Variants in PLGRKT observed in about 807,000 individuals in gnomAD.
The protein encoded by PLGRKT is plasminogen receptor (KT).
PLGRKT carries 22 observed loss-of-function variants against 18.5 expected under a neutral mutation model. The observed-to-expected ratio is 1.19, with a 90% confidence interval of 0.85 to 1.70. The LOEUF is 1.70. Among genes scored for constraint, PLGRKT ranks in the 40% most tolerant of loss-of-function variants. The pLI is 0.00. For synonymous variants in PLGRKT, 72 were observed against 52.8 expected, an observed-to-expected ratio of 1.36 and a Z score of -1.58; for missense variants, 235 against 174.4, an observed-to-expected ratio of 1.35 and a Z score of -1.96.
chr9:5,387,166 T>C (rs1321132528), intron 3 of PLGRKT, among the ~76,000 whole-genome samples: 1 of 151,864 alleles, frequency 6.6e-6, no homozygotes, highest in East Asian at 1.9e-4. Context: ...TTTTAGAAAA[T>C]GGACCATATT....
chr9:5,436,959 C>T (rs922003687), intron 1 of PLGRKT, among the ~76,000 whole-genome samples: 2 of 152,070 alleles, frequency 1.3e-5, no homozygotes, highest in Non-Finnish European at 2.9e-5. Context: ...AATTCTAACA[C>T]TTTTCACCAG....
chr9:5,372,318 C>A, intron 3 of PLGRKT, among the ~76,000 whole-genome samples: 1 of 152,066 alleles, frequency 6.6e-6, no homozygotes, highest in Admixed American at 6.6e-5. Context: ...TAATGTGGCT[C>A]ACCATGTGCA....
intron 3 of PLGRKT, among the ~76,000 whole-genome samples, chr9:5,423,009 C>A (rs967302067): frequency 5.3e-5 from 8 of 152,076 alleles, no homozygotes; most frequent in Admixed American, 2.6e-4. Flanking sequence ...TTCTTTTTAT[C>A]ATCATGCATA....
chr9:5,432,049 T>A, intron 2 of PLGRKT, 66 bp from the exon 3 acceptor site: 1 of 738,082 alleles, frequency 1.4e-6, no homozygotes, highest in East Asian at 2.5e-5. Context: ...ATGCTCCACT[T>A]TGAGCTACCT....
intron 3 of PLGRKT, among the ~76,000 whole-genome samples, chr9:5,389,453 C>T (rs1817905950): frequency 6.6e-6 from 1 of 151,820 alleles, no homozygotes; most frequent in Admixed American, 6.6e-5. Context: ...GCCAGGTCAG[C>T]CCCCACCTGT....
intron 3 of PLGRKT, among the ~76,000 whole-genome samples, chr9:5,427,519 A>G (rs1818726417): frequency 6.6e-6 from 1 of 152,100 alleles, no homozygotes; most frequent in Non-Finnish European, 1.5e-5. Flanking sequence ...TGTTACAATT[A>G]CTCTATTTTT....
At chr9:5,434,327 TG>T (rs1818911531) in intron 2 of PLGRKT, among the ~76,000 whole-genome samples, 2 of 107,160 alleles carry the variant, frequency 1.9e-5, no homozygotes, top group African/African-American at 7.5e-5. Context: ...CGCCTCTGCC[TG>T]GCCACCCCGT....
chr9:5,428,651 C>T (rs550791926), intron 3 of PLGRKT, among the ~76,000 whole-genome samples: 5 of 152,278 alleles, frequency 3.3e-5, no homozygotes, highest in African/African-American at 1.2e-4. Flanking sequence ...ATTACGACCA[C>T]CCTTGAAGTA....
At chr9:5,369,406 G>C (rs1201570218) in intron 3 of PLGRKT, among the ~76,000 whole-genome samples, 1 of 152,202 alleles carries the variant, frequency 6.6e-6, no homozygotes, top group Non-Finnish European at 1.5e-5. Context: ...TCTCATGCCA[G>C]TTAGAACGGT....
rs1818517003 is a variant in PLGRKT at position 5,418,857 on chromosome 9, C to G, written c.81+13040G>C. ...GCACATCCTTCTGGCTGGTCCTCGT[C>G]TGCTGGAGGCAAACTGAACAGCAGG... On this transcript the variant is annotated intron_variant, in intron 3 of 5. Coordinates refer to ENST00000223864, the MANE Select transcript of PLGRKT (RefSeq NM_018465.4). This position sits in a 1 kb window ranked among gnomAD's most constrained non-coding sequence, Gnocchi z 4.2. 5 of 1,053,576 alleles carry G rather than the reference C, an allele frequency of 4.7e-6. No individual in the cohort carries two copies. In the African/African-American group the frequency reaches 6.3e-5, roughly 13 times the overall value. 65.3% of individuals were successfully genotyped at this position (1,053,576 alleles called of 1,614,324 possible). A position where few individuals can be genotyped will look rare whatever the true frequency, so the allele number is the denominator to read the frequency against.
At chr9:5,366,009 C>A (rs1490164790) in intron 3 of PLGRKT, among the ~76,000 whole-genome samples, 3 of 152,064 alleles carry the variant, frequency 2.0e-5, no homozygotes, top group Non-Finnish European at 4.4e-5. Flanking sequence ...TCTCCATGAG[C>A]AAAACATTCT....
At chr9:5,361,257 G>C (rs903443001) in intron 4 of PLGRKT, 70 bp from the exon 5 acceptor site, 1 of 788,658 alleles carries the variant, frequency 1.3e-6, no homozygotes, top group East Asian at 2.7e-5. Flanking sequence ...TATACTTAAA[G>C]AAAAAAAAAT....
At chr9:5,380,835 C>T (rs1032964901) in intron 3 of PLGRKT, among the ~76,000 whole-genome samples, 6 of 152,264 alleles carry the variant, frequency 3.9e-5, no homozygotes, top group African/African-American at 1.4e-4. Flanking sequence ...TGTGTCCCCA[C>T]CCAAATCTCA....
chr9:5,425,969 A>T (rs943557353), intron 3 of PLGRKT, among the ~76,000 whole-genome samples: 4 of 152,212 alleles, frequency 2.6e-5, no homozygotes, highest in Non-Finnish European at 5.9e-5. Flanking sequence ...CATTAAATTT[A>T]AAAATAGCCA....
At position 5,367,739 on chromosome 9, in the gene PLGRKT, T is replaced by A. The variant is rs909332606; in HGVS notation, c.82-5851A>T. The stretch of plus-strand genomic sequence containing the variant: ...GACAACAAAAACAAAAATTGACAAA[T>A]GTTACCTAATTAAACTAAAGAGCTT... On this transcript the variant is annotated intron_variant, in intron 3 of 5. Coordinates refer to ENST00000223864, the MANE Select transcript of PLGRKT (RefSeq NM_018465.4). Among the ~76,000 whole-genome samples, 4 of 152,244 alleles carry A rather than the reference T, an allele frequency of 2.6e-5. No individual in the cohort carries two copies. In the South Asian group the frequency reaches 6.2e-4, roughly 24 times the overall value.
chr9:5,434,441 C>G (rs1487204025), intron 2 of PLGRKT, among the ~76,000 whole-genome samples: 1 of 144,358 alleles, frequency 6.9e-6, no homozygotes, highest in African/African-American at 2.6e-5. Context: ...CACCTCTGCC[C>G]GGCCGCCGCC....
chr9:5,417,881 A>G (rs7035294), intron 3 of PLGRKT, among the ~76,000 whole-genome samples: 5,654 of 152,298 alleles, frequency 0.037, 166 homozygotes, highest in Non-Finnish European at 0.056. Flanking sequence ...AACTAAATGA[A>G]GACTGAGTTT....
rs115977712 is a variant in PLGRKT, at chr9:5,376,817, T to C, written c.82-14929A>G. ...AATCATATTCCAATATGCCTAACTA[T>C]GTATAGACTATCTTTGAAAGACTAT... On this transcript the variant is annotated intron_variant, in intron 3 of 5. Transcript: ENST00000223864. 8.6e-3 allele frequency among the ~76,000 whole-genome samples: 1,314 copies of C among 152,318 alleles called. 19 individuals are homozygous for C. Among genetic ancestry groups the C allele is most frequent in the African/African-American group, 0.03 (1,246 of 41,564 alleles).
chr9:5,422,792 A>T (rs1818602818), intron 3 of PLGRKT, among the ~76,000 whole-genome samples: 1 of 152,226 alleles, frequency 6.6e-6, no homozygotes, highest in Non-Finnish European at 1.5e-5. Flanking sequence ...AAGGCAAAGG[A>T]AGATGGAATA....
Sources: allele counts gnomAD v4.1 joint callset (sites outside exome capture counted in the v4.1 genomes callset), GRCh38; gene constraint gnomAD v4.1.1; non-coding constraint Gnocchi (gnomAD v3.1); transcripts MANE v1.5; gene names NCBI Gene and HGNC (gene_info 2026-07-23, HGNC 2026-07-21).